CDH9: variants seen among roughly 807,000 people sequenced by gnomAD.
CDH9 encodes cadherin 9.
In CDH9, 28 loss-of-function variants were observed where a neutral mutation model predicts 70.9. The observed-to-expected ratio is 0.40, with a 90% CI of 0.29 to 0.54. The LOEUF (loss-of-function observed/expected upper bound fraction) is 0.54, where lower values mean the gene tolerates loss of function less well. Ranked by LOEUF, CDH9 falls within the 20% of genes least tolerant of loss-of-function variation. The pLI is 0.59. For synonymous variants in CDH9, 409 were observed against 343.1 expected, an observed-to-expected ratio of 1.19 and a Z score of -2.12; for missense variants, 874 against 984.4, an observed-to-expected ratio of 0.89 and a Z score of 1.50.
intron 1 of CDH9, among the ~76,000 whole-genome samples, chr5:26,991,390 T>C: frequency 6.6e-6 from 1 of 152,200 alleles, no homozygotes; most frequent in East Asian, 1.9e-4. Flanking sequence ...GTGCTGCAAG[T>C]TTACAGACAT....
intron 2 of CDH9, among the ~76,000 whole-genome samples, chr5:26,961,881 G>A (rs965717769): frequency 6.6e-6 from 1 of 152,000 alleles, no homozygotes; most frequent in African/African-American, 2.4e-5. Context: ...CAACGTGCAG[G>A]TTTCTTACAT....
At chr5:26,986,553 A>T (rs1361003493) in intron 2 of CDH9, among the ~76,000 whole-genome samples, 2 of 152,122 alleles carry the variant, frequency 1.3e-5, no homozygotes, top group Non-Finnish European at 2.9e-5. Flanking sequence ...TCAGCTTAAA[A>T]TAAATGCTTG....
intron 7 of CDH9, among the ~76,000 whole-genome samples, chr5:26,897,457 A>G (rs543155450): frequency 6.6e-6 from 1 of 152,286 alleles, no homozygotes; most frequent in Non-Finnish European, 1.5e-5. Flanking sequence ...AGCAAATCAA[A>G]AAGCTTATCA....
chr5:26,887,285 TCTAA>T (rs1740581247), intron 9 of CDH9, among the ~76,000 whole-genome samples: 1 of 151,778 alleles, frequency 6.6e-6, no homozygotes, highest in Non-Finnish European at 1.5e-5. Flanking sequence ...CAATAACAAA[TCTAA>T]CTTTTAGTAA....
intron 2 of CDH9, among the ~76,000 whole-genome samples, chr5:26,930,582 T>C (rs1441177077): frequency 6.6e-6 from 1 of 152,234 alleles, no homozygotes; most frequent in South Asian, 2.1e-4. Flanking sequence ...ATTTGATCAG[T>C]TGGACATATG....
At chr5:26,885,926 T>C in intron 10 of CDH9, 40 bp downstream of exon 10, 1 of 1,590,736 alleles carries the variant, frequency 6.3e-7, no homozygotes, top group South Asian at 1.1e-5. Context: ...CTGTGTATCT[T>C]AAAGTTTCAT....
At chr5:26,903,471 C>T in intron 6 of CDH9, 166 bp downstream of exon 6, 1 of 709,704 alleles carries the variant, frequency 1.4e-6, no homozygotes, top group Non-Finnish European at 2.6e-6. Context: ...ATTATGAAGA[C>T]ATTTAACTTG....
chr5:26,903,922 G>A, intron 5 of CDH9, 98 bp from the exon 6 acceptor site: 2 of 634,800 alleles, frequency 3.2e-6, no homozygotes, highest in Non-Finnish European at 2.7e-6. Context: ...TTTTAAATAG[G>A]GAGAGTTTTT....
At chr5:26,905,922 A>T (rs752741982) in intron 5 of CDH9, 37 bp downstream of exon 5, 7 of 1,530,002 alleles carry the variant, frequency 4.6e-6, no homozygotes, top group Non-Finnish European at 6.3e-6. Context: ...TGTATTTGAG[A>T]AGTTTTTGGA....
chr5:26,911,975 C>T (rs921460218), intron 3 of CDH9, among the ~76,000 whole-genome samples: 1 of 151,762 alleles, frequency 6.6e-6, no homozygotes, highest in Non-Finnish European at 1.5e-5. Flanking sequence ...GAAACAAATA[C>T]TTTAAGAAAT....
intron 7 of CDH9, among the ~76,000 whole-genome samples, chr5:26,896,059 T>A (rs184248819): frequency 1.5e-4 from 23 of 152,128 alleles, no homozygotes; most frequent in East Asian, 3.9e-4. Context: ...AAGAATACAA[T>A]TTGAGATTAA....
At chr5:26,956,913 A>G (rs1482772699) in intron 2 of CDH9, among the ~76,000 whole-genome samples, 2 of 152,108 alleles carry the variant, frequency 1.3e-5, no homozygotes, top group African/African-American at 2.4e-5. Context: ...AAATATATAA[A>G]CATTAAGAAT....
chr5:27,023,348 A>G (rs1743171188), intron 1 of CDH9, among the ~76,000 whole-genome samples: 1 of 152,094 alleles, frequency 6.6e-6, no homozygotes, highest in Non-Finnish European at 1.5e-5. Flanking sequence ...GAAGATTTTC[A>G]TAGAAAGCCA....
At chr5:26,927,752 G>C (rs988918552) in intron 2 of CDH9, among the ~76,000 whole-genome samples, 6 of 152,012 alleles carry the variant, frequency 3.9e-5, no homozygotes, top group Non-Finnish European at 7.4e-5. Context: ...TGCCCTTAAA[G>C]AGTTTGCATT....
chr5:27,005,190 G>A (rs1275417724), intron 1 of CDH9, among the ~76,000 whole-genome samples: 1 of 151,952 alleles, frequency 6.6e-6, no homozygotes, highest in Non-Finnish European at 1.5e-5. Context: ...AATTAATTTA[G>A]AAAATACATC....
Position 27,026,929 on chromosome 5 carries a change from T to C in CDH9, c.-50+11534A>G, listed in dbSNP as rs144300315. 5.4e-3 allele frequency among the ~76,000 whole-genome samples: 828 copies of C among 152,144 alleles called. 6 individuals carry two copies. The highest frequency in any genetic ancestry group is 0.019 in the African/African-American group (780 of 41,556). On this transcript the variant is annotated intron_variant, in intron 1 of 11. Coordinates refer to ENST00000231021, the MANE Select transcript of CDH9 (RefSeq NM_016279.4). ...CCTTATATAAATGAATCATCTTTCA[T>C]AAGTTGTAGTCATTTTAAGGTCAAG... is the stretch of plus-strand genomic sequence containing the variant.
intron 1 of CDH9, among the ~76,000 whole-genome samples, chr5:27,010,210 G>C (rs1742933284): frequency 1.3e-5 from 2 of 151,968 alleles, no homozygotes. Flanking sequence ...TACACTCTTT[G>C]AACAGCACTT....
At chr5:27,007,621 T>C (rs1329579609) in intron 1 of CDH9, among the ~76,000 whole-genome samples, 2 of 152,118 alleles carry the variant, frequency 1.3e-5, no homozygotes, top group African/African-American at 4.8e-5. Flanking sequence ...TATGGACTAT[T>C]ACATAGGAAA....
chr5:27,024,163 T>C (rs1189627593), intron 1 of CDH9, among the ~76,000 whole-genome samples: 1 of 152,002 alleles, frequency 6.6e-6, no homozygotes, highest in Non-Finnish European at 1.5e-5. Context: ...TGGACAAATA[T>C]TTTCTAAGAA....
Sources: allele counts gnomAD v4.1 joint callset (sites outside exome capture counted in the v4.1 genomes callset), GRCh38; gene constraint gnomAD v4.1.1; transcripts MANE v1.5; gene names NCBI Gene and HGNC (gene_info 2026-07-23, HGNC 2026-07-21).